The following C4orf50 variants were observed in gnomAD, a reference collection of about 807,000 sequenced individuals.
C4orf50 encodes chromosome 4 open reading frame 50, also known as uncharacterized protein C4orf50.
C4orf50 carries 80 observed loss-of-function variants against 77.2 expected under a neutral mutation model. That is an observed-to-expected ratio of 1.04 (90% CI 0.87 to 1.25). The LOEUF is 1.25. Among genes scored for constraint, C4orf50 ranks in the 50% most tolerant of loss-of-function variants. The pLI is 0.00. For missense variants in C4orf50, 1,257 were observed against 1,152.9 expected (o/e 1.09, Z -1.31); for synonymous variants, 532 against 465.3 (o/e 1.14, Z -1.84).
rs546995809 is a variant in C4orf50 at position 5,970,020 on chromosome 4, G to T, written c.4105-2558C>A. On this transcript the variant is annotated intron_variant, in intron 31 of 33. Coordinates refer to ENST00000531445, the Ensembl canonical transcript of C4orf50. This position sits in a 1 kb window ranked among gnomAD's most constrained non-coding sequence, Gnocchi z 4.3. ...CGGCAACCCTCTTCTCCTCTCCTTT[G>T]GTACCCGGGCCTCTGCCTCCAAGGT... is the stretch of plus-strand genomic sequence containing the variant. 2.0e-5 allele frequency among the ~76,000 whole-genome samples: 3 copies of T among 152,168 alleles called. No individual in the cohort carries two copies. The highest frequency in any genetic ancestry group is 6.5e-5 in the Admixed American group (1 of 15,290).
At chr4:5,975,505 G>A (rs1720223313) in intron 30 of C4orf50, among the ~76,000 whole-genome samples, 1 of 148,850 alleles carries the variant, frequency 6.7e-6, no homozygotes, top group African/African-American at 2.5e-5. Flanking sequence ...TTTTTGTTTT[G>A]TTTTGTTTTG....
At chr4:5,987,428 A>AAAAAAAAAAAAAAAAAAAAAAC (rs1720932835) in intron 28 of C4orf50, among the ~76,000 whole-genome samples, 1 of 149,902 alleles carries the variant, frequency 6.7e-6, no homozygotes, top group African/African-American at 2.4e-5. Flanking sequence ...AAAAAAAAAA[A>AAAAAAAAAAAAAAAAAAAAAAC]AAAAAAAGAA....
chr4:6,005,386 T>A (rs79213934), intron 25 of C4orf50, among the ~76,000 whole-genome samples: 1 of 150,118 alleles, frequency 6.7e-6, no homozygotes, highest in East Asian at 2.0e-4. Context: ...GGGACTTTTA[T>A]AAGAGGAAGC....
chr4:5,930,593 G>A (rs1446632665), intron 7 of C4orf50, among the ~76,000 whole-genome samples: 4 of 152,182 alleles, frequency 2.6e-5, no homozygotes, highest in African/African-American at 9.6e-5. Context: ...GTCTCACTGT[G>A]GGCGTGTGTG....
chr4:6,004,312 G>T (rs1560599025), intron 25 of C4orf50, among the ~76,000 whole-genome samples: 1 of 48,672 alleles, frequency 2.1e-5, no homozygotes, highest in East Asian at 1.4e-3. Flanking sequence ...TGGTGGTGAT[G>T]ATGTGATCGT....
At chr4:5,902,318 T>A (rs150265647) in intron 7 of C4orf50, 1 of 152,224 alleles carries the variant, frequency 6.6e-6, no homozygotes, top group Admixed American at 6.5e-5. Context: ...AGGACAGTGA[T>A]ATTTTCCCCA....
At position 5,959,768 on chromosome 4, in the gene C4orf50, C is replaced by G. The variant is rs986446854; in HGVS notation, c.4276-142G>C. ...TTTCTGTGCCTGGCACCAAATACTCCTCACACATTGGCTCACTTCCTTTGG... is the reference window on the plus strand; with the variant it reads ...TTTCTGTGCCTGGCACCAAATACTCGTCACACATTGGCTCACTTCCTTTGG... On this transcript the variant is annotated intron_variant, in intron 33 of 33. Transcript: ENST00000531445. 7 of 961,452 alleles carry G rather than the reference C, an allele frequency of 7.3e-6. No homozygotes were observed. In the Admixed American group the frequency reaches 1.1e-4, roughly 16 times the overall value. The allele number at this position is 961,452 out of a possible 1,614,324, so 59.6% of individuals were successfully genotyped here.
intron 25 of C4orf50, among the ~76,000 whole-genome samples, chr4:6,004,301 ATGGTGG>A (rs1183390727): frequency 1.6e-5 from 1 of 60,698 alleles, no homozygotes; most frequent in Admixed American, 2.0e-4. Flanking sequence ...GATGATGGTG[ATGGTGG>A]TGATGATGTG....
intron 28 of C4orf50, among the ~76,000 whole-genome samples, chr4:5,985,655 T>G (rs771087727): frequency 6.6e-6 from 1 of 151,290 alleles, no homozygotes; most frequent in Non-Finnish European, 1.5e-5. Context: ...ATGAGACAAA[T>G]AGAAAAAATA....
chr4:5,981,746 G>A (rs369565506), intron 28 of C4orf50, among the ~76,000 whole-genome samples: 5 of 152,034 alleles, frequency 3.3e-5, no homozygotes, highest in Non-Finnish European at 7.4e-5. Context: ...CTGCTGAGGC[G>A]GCCTTAGAAG....
chr4:6,011,886 C>G lies in C4orf50; in HGVS notation c.370G>C (p.Ala124Pro), dbSNP rs566364284. The G allele has an allele frequency of 1.0e-5, 4 of 398,928 alleles. No individual in the cohort carries two copies. Among genetic ancestry groups the G allele is most frequent in the African/African-American group, 8.2e-5 (4 of 48,640 alleles). 24.7% of individuals were successfully genotyped at this position (398,928 alleles called of 1,614,324 possible). A position where few individuals can be genotyped will look rare whatever the true frequency, so the allele number is the denominator to read the frequency against. Residue 124 changes from alanine to proline, a missense_variant, in exon 24 of 34, where the codon GCC becomes CCC. Physicochemically the swap from Ala to Pro is conservative, Grantham distance 27. Coordinates refer to ENST00000531445, the Ensembl canonical transcript of C4orf50. The surrounding 1 kb of genome is among the most constrained non-coding windows in gnomAD (Gnocchi z 4.2). Reference sequence around the variant, plus strand: ...AGCTTCTCCTGGGCCTGGAGCCAGGCGCTTCTCTCCTGGGCCACGTGGGTG... The same window carrying G: ...AGCTTCTCCTGGGCCTGGAGCCAGGGGCTTCTCTCCTGGGCCACGTGGGTG...
At chr4:5,920,367 G>A (rs1717208770) in intron 7 of C4orf50, among the ~76,000 whole-genome samples, 1 of 152,114 alleles carries the variant, frequency 6.6e-6, no homozygotes, top group Non-Finnish European at 1.5e-5. Context: ...GTGAGTTGAG[G>A]TGTGCGCCTG....
chr4:5,965,355 G>T (rs1410538129), intron 32 of C4orf50, among the ~76,000 whole-genome samples: 4 of 152,158 alleles, frequency 2.6e-5, no homozygotes, highest in Admixed American at 2.6e-4. Context: ...CATGATCTTG[G>T]GGCATCCCAG....
At chr4:5,979,323 A>G (rs963230925) in intron 29 of C4orf50, among the ~76,000 whole-genome samples, 7 of 152,236 alleles carry the variant, frequency 4.6e-5, no homozygotes, top group African/African-American at 1.2e-4. Context: ...TAAATAAGTT[A>G]TGATTTGGCC....
intron 27 of C4orf50, among the ~76,000 whole-genome samples, chr4:5,991,543 G>A: frequency 6.6e-6 from 1 of 152,176 alleles, no homozygotes. Flanking sequence ...ATCCAGAGAG[G>A]AGGAGCCCAG....
chr4:5,959,217 G>T (rs1420526504), exon 34 of C4orf50: 2 of 850,146 alleles, frequency 2.4e-6, no homozygotes, highest in Non-Finnish European at 3.6e-6. Flanking sequence ...TTTCTCTCAA[G>T]CTCTGACAAT....
chr4:5,975,299 C>G (rs965622886), intron 30 of C4orf50, among the ~76,000 whole-genome samples: 2 of 152,058 alleles, frequency 1.3e-5, no homozygotes, highest in African/African-American at 4.8e-5. Context: ...GTGCTTCACC[C>G]CAGCATGAAA....
intron 25 of C4orf50, among the ~76,000 whole-genome samples, chr4:6,001,428 G>A (rs912610610): frequency 6.6e-6 from 1 of 152,244 alleles, no homozygotes; most frequent in Non-Finnish European, 1.5e-5. Context: ...TCCAGCGTTT[G>A]TTCAGCGGGT....
rs1045509986 is a variant in C4orf50, at chr4:5,997,415, T to C, written c.964-2939A>G. Among the ~76,000 whole-genome samples, 3 of 152,296 alleles carry C rather than the reference T, an allele frequency of 2.0e-5. No individual in the cohort carries two copies. The South Asian group carries it at 6.2e-4, about 32-fold the overall frequency. The stretch of plus-strand genomic sequence containing the variant: ...CAACGCTGTACTGAAACATTGCCCA[T>C]TGTCTAGTTTACCCCTTCATGTCAC... On this transcript the variant is annotated intron_variant, in intron 25 of 33. Transcript: ENST00000531445.
Sources: allele counts gnomAD v4.1 joint callset (sites outside exome capture counted in the v4.1 genomes callset), GRCh38; gene constraint gnomAD v4.1.1; non-coding constraint Gnocchi (gnomAD v3.1); transcripts MANE v1.5; gene names NCBI Gene and HGNC (gene_info 2026-07-23, HGNC 2026-07-21).